Variants in AREL1 observed in about 807,000 individuals in gnomAD.
The protein encoded by AREL1 is apoptosis-resistant E3 ubiquitin protein ligase 1.
A neutral mutation model predicts 99.0 loss-of-function variants in AREL1; 62 were observed. That is an observed-to-expected ratio of 0.63 (90% CI 0.51 to 0.77). AREL1 has a LOEUF of 0.77. Ranked by LOEUF, AREL1 falls within the 30% of genes least tolerant of loss-of-function variation. The pLI is 0.00. For synonymous variants in AREL1, 380 were observed against 376.5 expected (o/e 1.01, Z -0.11); for missense variants, 879 against 1,027.6 (o/e 0.86, Z 1.98).
In AREL1 at chr14:74,675,868, G is replaced by T; in HGVS notation, c.911C>A (p.Ala304Asp). ...SIYFEAYLYN[A>D]TNCSSTPWHL... ...CCATGGAGTGCTGCTACAGTTGGTA[G>T]CATTATAAAGATAAGCCTCAAAGTA... The change falls in exon 8 of 20, where the codon GCT becomes GAT. Residue 304 changes from alanine (A) to aspartate (D), a missense_variant. Transcript: ENST00000356357. The T allele has an allele frequency of 2.5e-6, 4 of 1,614,110 alleles. No individual in the cohort carries two copies. Among genetic ancestry groups the T allele is most frequent in the Non-Finnish European group, 8.5e-7 (1 of 1,179,996 alleles).
chr14:74,672,898 T>A lies in AREL1; in HGVS notation c.1355A>T (p.Gln452Leu), dbSNP rs753032344. 3 of 1,614,108 alleles carry A rather than the reference T, an allele frequency of 1.9e-6. No individual in the cohort carries two copies. Among genetic ancestry groups the A allele is most frequent in the Non-Finnish European group, 2.5e-6 (3 of 1,180,038 alleles). ...KVNFFQRELR[Q>L]VHMKRPHSKV... ...GGAATGTGGTCTTTTCATATGTACC[T>A]GCCGAAGCTCTCGCTGGAAAAAGTT... Residue 452 changes from glutamine (Q) to leucine (L), a missense_variant, in exon 11 of 20, where the codon CAG (glutamine) becomes CTG (leucine). Gln to Leu is a moderately radical substitution (Grantham distance 113). Coordinates refer to ENST00000356357, the MANE Select transcript of AREL1 (RefSeq NM_001039479.2).
Position 74,669,660 on chromosome 14 carries a change from G to C in AREL1, c.1903C>G (p.Gln635Glu), listed in dbSNP as rs899002940. The C allele has an allele frequency of 6.2e-7, 1 of 1,613,928 alleles. No homozygotes were observed. The highest frequency in any genetic ancestry group is 8.5e-7 in the Non-Finnish European group (1 of 1,179,938). The change falls in exon 15 of 20, where the codon CAA becomes GAA. Residue 635 changes from glutamine (Q) to glutamate (E), a missense_variant. Physicochemically the swap from Gln to Glu is conservative, Grantham distance 29. Transcript: ENST00000356357. The stretch of plus-strand genomic sequence containing the variant: ...GTCCTCTTTCTCACCTTATCCAATT[G>C]ACCTGATTTATTATATTTCTCTTCT... ...FAEEKYNKSG[Q>E]LDKVVELMTG...
chr14:74,687,017 C>T (rs1048355336), intron 2 of AREL1, among the ~76,000 whole-genome samples: 16 of 152,126 alleles, frequency 1.1e-4, no homozygotes, highest in African/African-American at 2.2e-4. Context: ...AAATCTGCTA[C>T]GATCTCTCAA....
chr14:74,704,710 A>G (rs2090144900), intron 1 of AREL1, among the ~76,000 whole-genome samples: 1 of 152,090 alleles, frequency 6.6e-6, no homozygotes, highest in Admixed American at 6.5e-5. Flanking sequence ...TTGCCTCTTC[A>G]TTTTCTTAAC....
intron 2 of AREL1, among the ~76,000 whole-genome samples, chr14:74,689,455 G>GA (rs1200860186): frequency 6.6e-6 from 1 of 151,780 alleles, no homozygotes; most frequent in African/African-American, 2.4e-5. Context: ...TCTATGCATG[G>GA]AAAATCTCCT....
At chr14:74,666,385 A>G (rs2089209044) in intron 17 of AREL1, among the ~76,000 whole-genome samples, 1 of 152,224 alleles carries the variant, frequency 6.6e-6, no homozygotes, top group South Asian at 2.1e-4. Flanking sequence ...TACGGACTTC[A>G]GTTCTGCATA....
At position 74,670,885 on chromosome 14, in the gene AREL1, T is replaced by A. The variant is rs770653134; in HGVS notation, c.1499-14A>T. 287 of 1,612,094 alleles carry A rather than the reference T, an allele frequency of 1.8e-4. No individual in the cohort carries two copies. The highest frequency in any genetic ancestry group is 2.4e-4 in the Non-Finnish European group (280 of 1,178,736). ...CCCAGTCCAGAGCTGAAAAGCATAATGAAAATAAAAAATGACTCTGCCCTC... is the reference window on the plus strand; with the variant it reads ...CCCAGTCCAGAGCTGAAAAGCATAAAGAAAATAAAAAATGACTCTGCCCTC... On this transcript the variant is annotated splice_polypyrimidine_tract_variant and intron_variant, in intron 12 of 19. Transcript: ENST00000356357.
At chr14:74,664,099 G>A in intron 18 of AREL1, 25 bp from the exon 19 acceptor site, 2 of 1,605,270 alleles carry the variant, frequency 1.2e-6, no homozygotes, top group Non-Finnish European at 8.5e-7. Flanking sequence ...ACAAGGCTGG[G>A]ATCACACACA....
At chr14:74,664,425 C>T (rs2089161163) in intron 18 of AREL1, among the ~76,000 whole-genome samples, 1 of 150,520 alleles carries the variant, frequency 6.6e-6, no homozygotes, top group African/African-American at 2.4e-5. Flanking sequence ...TTTGACTCCC[C>T]TACTTTTTTC....
chr14:74,710,437 C>T lies in AREL1; in HGVS notation c.-334+2496G>A, dbSNP rs956359751. The stretch of plus-strand genomic sequence containing the variant: ...CAGAAGAGCGTTTTTCTGTCAGTGC[C>T]TAAATTTAAATGCAAATTACTATTT... On this transcript the variant is annotated intron_variant, in intron 1 of 19. Coordinates refer to ENST00000356357, the MANE Select transcript of AREL1 (RefSeq NM_001039479.2). Among the ~76,000 whole-genome samples the T allele has an allele frequency of 1.1e-3, 162 of 152,174 alleles. 1 individual carries two copies. Among genetic ancestry groups the T allele is most frequent in the African/African-American group, 3.7e-3 (155 of 41,500 alleles).
intron 1 of AREL1, among the ~76,000 whole-genome samples, chr14:74,702,567 TG>T (rs2090106448): frequency 6.6e-6 from 1 of 152,186 alleles, no homozygotes; most frequent in South Asian, 2.1e-4. Flanking sequence ...AGGTCTGTGA[TG>T]GGAGTGGCTG....
At chr14:74,671,098 A>G (rs900979164) in intron 12 of AREL1, among the ~76,000 whole-genome samples, 7 of 152,238 alleles carry the variant, frequency 4.6e-5, no homozygotes, top group African/African-American at 1.2e-4. Flanking sequence ...GAAACACCAG[A>G]GGTCGGAGAT....
chr14:74,679,844 TAATAAATA>T (rs141206776), intron 5 of AREL1, among the ~76,000 whole-genome samples: 1 of 150,398 alleles, frequency 6.6e-6, no homozygotes, highest in African/African-American at 2.4e-5. Flanking sequence ...AAGAAAATAA[TAATAAATA>T]AATAAATAAA....
chr14:74,677,941 A>C (rs1455798533), intron 5 of AREL1, among the ~76,000 whole-genome samples: 2 of 152,326 alleles, frequency 1.3e-5, no homozygotes, highest in African/African-American at 4.8e-5. Context: ...TGGAAGAAAT[A>C]AAACAAAAAA....
At chr14:74,678,905 T>C (rs541113667) in intron 5 of AREL1, among the ~76,000 whole-genome samples, 1 of 152,302 alleles carries the variant, frequency 6.6e-6, no homozygotes, top group East Asian at 1.9e-4. Flanking sequence ...TTTCTTTCTT[T>C]TTTGAGACAG....
intron 5 of AREL1, among the ~76,000 whole-genome samples, chr14:74,681,919 T>A (rs2089639075): frequency 6.6e-6 from 1 of 152,254 alleles, no homozygotes; most frequent in African/African-American, 2.4e-5. Context: ...ACTGTACTAG[T>A]AGTTTTGGAA....
intron 1 of AREL1, among the ~76,000 whole-genome samples, chr14:74,698,044 A>G (rs2090010033): frequency 6.6e-6 from 1 of 152,234 alleles, no homozygotes; most frequent in Non-Finnish European, 1.5e-5. Flanking sequence ...ACAGAATGTA[A>G]TATTTGCATG....
chr14:74,679,048 C>T (rs952804435), intron 5 of AREL1, among the ~76,000 whole-genome samples: 10 of 152,148 alleles, frequency 6.6e-5, no homozygotes, highest in South Asian at 2.1e-4. Flanking sequence ...TAAAGGTGCA[C>T]GCCACCACAC....
At chr14:74,688,804 T>G (rs1018382472) in intron 2 of AREL1, among the ~76,000 whole-genome samples, 2 of 152,058 alleles carry the variant, frequency 1.3e-5, no homozygotes, top group Non-Finnish European at 2.9e-5. Flanking sequence ...TCCTCCTGAA[T>G]TCTCTCAAAA....
Sources: gnomAD v4.1 joint callset for allele counts (sites outside exome capture counted in the v4.1 genomes callset) on GRCh38, gnomAD v4.1.1 for gene constraint, MANE v1.5 for transcripts, NCBI Gene and HGNC (gene_info 2026-07-23, HGNC 2026-07-21) for gene names.